The following ITGA11 variants were observed in gnomAD, a reference collection of about 807,000 sequenced individuals.
ITGA11 encodes integrin alpha-11.
A neutral mutation model predicts 141.9 loss-of-function variants in ITGA11; 97 were observed. The observed-to-expected ratio is 0.68, with a 90% CI of 0.58 to 0.81. The LOEUF is 0.81. Ranked by LOEUF, ITGA11 falls within the 30% of genes least tolerant of loss-of-function variation. ITGA11 has a pLI of 0.00. For synonymous variants in ITGA11, 658 were observed against 624.6 expected (o/e 1.05, Z -0.80); for missense variants, 1,387 against 1,559.2 (o/e 0.89, Z 1.86).
chr15:68,307,340 G>C lies in ITGA11; in HGVS notation c.3381+8C>G, dbSNP rs1595848931. The C allele has an allele frequency of 6.4e-7, 1 of 1,550,666 alleles. No homozygotes were observed. Among genetic ancestry groups the C allele is most frequent in the South Asian group, 1.2e-5 (1 of 84,152 alleles). On this transcript the variant is annotated splice_region_variant and intron_variant, in intron 28 of 29. Transcript: ENST00000315757. This position sits in a 1 kb window ranked among gnomAD's most constrained non-coding sequence, Gnocchi z 6.1. ...AAGCCCAGTTCTGCAGGGCTCCCAGGGGCTCACCTGGCGGCTGGGATCCTC... is the reference window on the plus strand; with the variant it reads ...AAGCCCAGTTCTGCAGGGCTCCCAGCGGCTCACCTGGCGGCTGGGATCCTC...
At chr15:68,365,167 AG>A (rs1284777967) in intron 3 of ITGA11, 1 of 985,286 alleles carries the variant, frequency 1.0e-6, no homozygotes, top group East Asian at 1.1e-4. Flanking sequence ...TCCTTTGTGC[AG>A]TATCCCCGCT....
Position 68,313,923 on chromosome 15 carries a change from C to T in ITGA11, c.2793-55G>A, listed in dbSNP as rs971298161. On this transcript the variant is annotated intron_variant, in intron 22 of 29. Transcript: ENST00000315757. ...GAAGGGGCTCAGCCAGCACAGGCAG[C>T]GGGAAGGGTCTGAGGCAGACTGTGG... 24 of 1,406,828 alleles carry T rather than the reference C, an allele frequency of 1.7e-5. No individual in the cohort carries two copies. The East Asian group carries it at 2.1e-4, about 12-fold the overall frequency. The allele number at this position is 1,406,828 out of a possible 1,614,324, so 87.1% of individuals were successfully genotyped here.
intron 1 of ITGA11, among the ~76,000 whole-genome samples, chr15:68,425,932 T>C (rs1211569065): frequency 6.6e-6 from 1 of 152,196 alleles, no homozygotes; most frequent in Non-Finnish European, 1.5e-5. Flanking sequence ...ACTTGCCTAA[T>C]TCACCCCACA....
chr15:68,309,983 GAA>G (rs528486442), intron 26 of ITGA11, among the ~76,000 whole-genome samples: 184 of 152,320 alleles, frequency 1.2e-3, no homozygotes, highest in African/African-American at 4.2e-3. Flanking sequence ...CAAACCAAAA[GAA>G]GTTAGAAGGA....
intron 1 of ITGA11, among the ~76,000 whole-genome samples, chr15:68,413,807 G>C (rs1896830112): frequency 6.6e-6 from 1 of 152,200 alleles, no homozygotes; most frequent in South Asian, 2.1e-4. Flanking sequence ...CAGTGTGGAG[G>C]AATGCAAACT....
chr15:68,388,493 A>G (rs2140387256), intron 2 of ITGA11, among the ~76,000 whole-genome samples: 1 of 152,292 alleles, frequency 6.6e-6, no homozygotes, highest in South Asian at 2.1e-4. Flanking sequence ...GGCACAGATA[A>G]CTATCTGACA....
Position 68,331,951 on chromosome 15 carries a change from C to T in ITGA11, c.1678G>A (p.Val560Met), listed in dbSNP as rs750165466. The change falls in exon 14 of 30, where the codon GTG (valine) becomes ATG (methionine). Residue 560 changes from valine (V) to methionine (M), a missense_variant. Physicochemically the swap from Val to Met is conservative, Grantham distance 21 (BLOSUM62 1). Transcript: ENST00000315757. Reference sequence around the variant, plus strand: ...TCCTCCAGGGGGGCTCCCACCACCACGTCATTGTAGGAATCCTGGTTGAGG... The same window carrying T: ...TCCTCCAGGGGGGCTCCCACCACCATGTCATTGTAGGAATCCTGGTTGAGG... ...RDLNQDSYNDVVVGAPLEDNH... is the reference protein window; with the variant it reads ...RDLNQDSYNDMVVGAPLEDNH... 12 of 1,613,286 alleles carry T rather than the reference C, an allele frequency of 7.4e-6. No homozygotes were observed. Among genetic ancestry groups the T allele is most frequent in the African/African-American group, 2.7e-5 (2 of 74,866 alleles).
At chr15:68,306,073 C>T (rs961201351) in intron 28 of ITGA11, among the ~76,000 whole-genome samples, 11 of 149,844 alleles carry the variant, frequency 7.3e-5, no homozygotes, top group Non-Finnish European at 1.6e-4. Context: ...GCCTGTAATA[C>T]CTGCTACCCG....
intron 1 of ITGA11, among the ~76,000 whole-genome samples, chr15:68,415,562 C>T (rs1344768985): frequency 1.3e-5 from 2 of 152,236 alleles, no homozygotes; most frequent in South Asian, 2.1e-4. Flanking sequence ...CCCCAGTCCA[C>T]ACCCACTGCT....
chr15:68,417,730 CT>C (rs758141664), intron 1 of ITGA11, among the ~76,000 whole-genome samples: 2 of 152,346 alleles, frequency 1.3e-5, no homozygotes, highest in Middle Eastern at 3.4e-3. Flanking sequence ...CTGTTTCCCA[CT>C]TTGAGATCTT....
intron 20 of ITGA11, among the ~76,000 whole-genome samples, 155 bp from the exon 21 acceptor site, chr15:68,317,518 TGAGACCCCA>T (rs1358990262): frequency 1.3e-5 from 2 of 151,828 alleles, no homozygotes; most frequent in African/African-American, 2.4e-5. Context: ...TTCTGATGTC[TGAGACCCCA>T]GAGGCCCCAG....
At chr15:68,393,469 A>G (rs1896164989) in intron 2 of ITGA11, among the ~76,000 whole-genome samples, 2 of 152,196 alleles carry the variant, frequency 1.3e-5, no homozygotes, top group South Asian at 4.1e-4. Flanking sequence ...TAAGAAAGCA[A>G]CCACAAGAAA....
rs1894822665 is a variant in ITGA11 at position 68,348,907 on chromosome 15, C to A, written c.1061-7G>T. The stretch of plus-strand genomic sequence containing the variant: ...GTCTCGTTCTTGTTGGTGCCTGCAA[C>A]AGAGTGACAGAGAGATGTCAGCTCC... On this transcript the variant is annotated splice_region_variant and splice_polypyrimidine_tract_variant and intron_variant, in intron 9 of 29. Transcript: ENST00000315757. The A allele has an allele frequency of 6.2e-7, 1 of 1,601,354 alleles. No individual in the cohort carries two copies. Among genetic ancestry groups the A allele is most frequent in the African/African-American group, 1.3e-5 (1 of 74,700 alleles).
intron 1 of ITGA11, 103 bp downstream of exon 1, chr15:68,431,912 C>T: frequency 8.7e-6 from 7 of 803,586 alleles, no homozygotes; most frequent in Non-Finnish European, 1.2e-5. Flanking sequence ...GAGGTCTGAC[C>T]CTGGGAGGAG....
At chr15:68,398,243 T>C (rs1351890709) in intron 2 of ITGA11, among the ~76,000 whole-genome samples, 2 of 151,866 alleles carry the variant, frequency 1.3e-5, no homozygotes, top group African/African-American at 4.8e-5. Context: ...CAGTGTGCTG[T>C]ATTCAGGAAA....
At chr15:68,396,402 A>T (rs958129170) in intron 2 of ITGA11, among the ~76,000 whole-genome samples, 6 of 152,100 alleles carry the variant, frequency 3.9e-5, no homozygotes, top group Admixed American at 3.9e-4. Flanking sequence ...GAAAGCTATG[A>T]ATAGAAAAAA....
intron 6 of ITGA11, 146 bp downstream of exon 6, chr15:68,358,312 C>T: frequency 3.9e-6 from 3 of 769,822 alleles, no homozygotes; most frequent in East Asian, 2.9e-5. Flanking sequence ...AGCTGCAGTG[C>T]CCCAGTGCTG....
Position 68,303,411 on chromosome 15 carries a change from G to A in ITGA11, c.3496-281C>T, listed in dbSNP as rs762781928. On this transcript the variant is annotated intron_variant, in intron 29 of 29. Transcript: ENST00000315757. The surrounding 1 kb of genome is among the most constrained non-coding windows in gnomAD (Gnocchi z 5.3). Reference sequence around the variant, plus strand: ...GGGCCTCCTTCATCTGTAACAGGAGGAGGCTGAGACCAGGGGTTTGTAACC... The same window carrying A: ...GGGCCTCCTTCATCTGTAACAGGAGAAGGCTGAGACCAGGGGTTTGTAACC... 2.0e-5 allele frequency among the ~76,000 whole-genome samples: 3 copies of A among 152,224 alleles called. No homozygotes were observed. The highest frequency in any genetic ancestry group is 4.4e-5 in the Non-Finnish European group (3 of 68,042).
At chr15:68,330,884 G>A in intron 15 of ITGA11, 97 bp downstream of exon 15, 1 of 1,459,044 alleles carries the variant, frequency 6.9e-7, no homozygotes, top group South Asian at 1.2e-5. Flanking sequence ...GGCAGTTAAA[G>A]ACAAGAGACA....
Sources: allele counts gnomAD v4.1 joint callset (sites outside exome capture counted in the v4.1 genomes callset), GRCh38; gene constraint gnomAD v4.1.1; non-coding constraint Gnocchi (gnomAD v3.1); transcripts MANE v1.5; gene names NCBI Gene and HGNC (gene_info 2026-07-23, HGNC 2026-07-21).